Variants in HIVEP1 observed in about 807,000 individuals in gnomAD.
The protein encoded by HIVEP1 is zinc finger protein 40.
A neutral mutation model predicts 180.0 loss-of-function variants in HIVEP1; 36 were observed. The ratio of observed to expected loss-of-function variants is 0.20; its 90% CI spans 0.15 to 0.26. The LOEUF is 0.26. HIVEP1 is among the 10% of genes least tolerant of loss of function. The pLI is 1.00. For missense variants in HIVEP1, 3,143 were observed against 3,268.7 expected, an observed-to-expected ratio of 0.96 and a Z score of 0.94; for synonymous variants, 1,239 against 1,239.0, an observed-to-expected ratio of 1.00 and a Z score of 0.00.
chr6:12,134,070 G>C (rs1407726847), intron 6 of HIVEP1, among the ~76,000 whole-genome samples: 1 of 151,886 alleles, frequency 6.6e-6, no homozygotes, highest in Non-Finnish European at 1.5e-5. Context: ...TGACTTACAA[G>C]TGGAAATTTC....
the HIVEP1 span, among the ~76,000 whole-genome samples, chr6:12,170,920 G>A: frequency 6.6e-6 from 1 of 152,190 alleles, no homozygotes; most frequent in South Asian, 2.1e-4. Context: ...CCAGTGCCAA[G>A]CTGGCCACAG....
Position 12,124,223 on chromosome 6 carries a change from G to C in HIVEP1, c.4428G>C (p.Glu1476Asp). The C allele has an allele frequency of 6.2e-7, 1 of 1,614,152 alleles. No homozygotes were observed. Among genetic ancestry groups the C allele is most frequent in the Non-Finnish European group, 8.5e-7 (1 of 1,180,032 alleles). Residue 1476 changes from glutamate to aspartate, a missense_variant, in exon 4 of 9, where the codon GAG (glutamate) becomes GAC (aspartate). Glu to Asp is a conservative substitution (Grantham distance 45). Coordinates refer to ENST00000379388, the MANE Select transcript of HIVEP1 (RefSeq NM_002114.4). ...AGCTCACTAGTACATCTTTAGCTGA[G>C]TTTTCTGCAAATACTTTGCACTCTC... Reference protein sequence around the residue: ...GPQLTSTSLAEFSANTLHSQT... With the variant: ...GPQLTSTSLADFSANTLHSQT...
intron 2 of HIVEP1, 27 bp from the exon 3 acceptor site, chr6:12,089,157 T>G (rs768615854): frequency 7.8e-7 from 1 of 1,280,658 alleles, no homozygotes; most frequent in East Asian, 2.3e-5. Flanking sequence ...GTAAATTAAT[T>G]TATAAATTTT....
chr6:12,055,888 G>A (rs1225007180), intron 2 of HIVEP1, among the ~76,000 whole-genome samples: 1 of 152,210 alleles, frequency 6.6e-6, no homozygotes, highest in African/African-American at 2.4e-5. Context: ...CTGTTATAAA[G>A]TGAGCACAGG....
chr6:12,136,404 A>G (rs1758707657), intron 7 of HIVEP1, among the ~76,000 whole-genome samples: 1 of 152,212 alleles, frequency 6.6e-6, no homozygotes, highest in Non-Finnish European at 1.5e-5. Flanking sequence ...GATCCAGCCA[A>G]GTCCACTGCT....
At chr6:12,208,860 A>G in the HIVEP1 span, among the ~76,000 whole-genome samples, 3 of 151,024 alleles carry the variant, frequency 2.0e-5, no homozygotes, top group Admixed American at 6.6e-5. Flanking sequence ...AAGGTGCACC[A>G]TCTGTGATGT....
chr6:12,011,394 A>C (rs1767289851), upstream of HIVEP1, among the ~76,000 whole-genome samples: 1 of 150,252 alleles, frequency 6.7e-6, no homozygotes. Flanking sequence ...GTAAAGAGAA[A>C]CTACGGCCCC....
At chr6:12,102,063 A>G (rs1224319567) in intron 3 of HIVEP1, among the ~76,000 whole-genome samples, 1 of 152,202 alleles carries the variant, frequency 6.6e-6, no homozygotes, top group Non-Finnish European at 1.5e-5. Context: ...AGTTATAAAC[A>G]TGTATCCACC....
chr6:12,193,910 C>A, the HIVEP1 span, among the ~76,000 whole-genome samples: 6 of 152,128 alleles, frequency 3.9e-5, no homozygotes, highest in East Asian at 1.2e-3. Context: ...TTTTACTAAC[C>A]AAAAGCTTTA....
rs2113530577 is a variant in HIVEP1, at chr6:12,124,049, T to C, written c.4254T>C (p.His1418=). ...CTTCTCGAGTGGGAGTGACTGGGCA[T>C]GTGCCTCTCTTAGAAAGAAGGAGAG... is the stretch of plus-strand genomic sequence containing the variant. The part of the protein sequence containing the change: ...SSPSRVGVTG[H]VPLLERRRGP... The change falls in exon 4 of 9, where the codon CAT becomes CAC. Residue 1418 remains histidine (H), a synonymous_variant. Transcript: ENST00000379388. The C allele has an allele frequency of 8.1e-6, 13 of 1,614,140 alleles. No homozygotes were observed. The highest frequency in any genetic ancestry group is 1.0e-5 in the Non-Finnish European group (12 of 1,180,006).
At chr6:12,205,257 G>A in the HIVEP1 span, among the ~76,000 whole-genome samples, 8 of 152,186 alleles carry the variant, frequency 5.3e-5, no homozygotes, top group African/African-American at 1.7e-4. Context: ...GGATCTTGAG[G>A]TCGGGATATC....
intron 2 of HIVEP1, among the ~76,000 whole-genome samples, chr6:12,051,951 T>G (rs1016856181): frequency 2.6e-5 from 4 of 152,232 alleles, no homozygotes; most frequent in African/African-American, 4.8e-5. Flanking sequence ...GGAACTGTTC[T>G]CTCCAGTTTC....
the HIVEP1 span, among the ~76,000 whole-genome samples, chr6:12,198,195 C>T: frequency 6.6e-6 from 1 of 152,080 alleles, no homozygotes; most frequent in Admixed American, 6.5e-5. Context: ...TACATATGGA[C>T]GTCTTTATAT....
At chr6:12,209,861 G>A in the HIVEP1 span, among the ~76,000 whole-genome samples, 1 of 152,248 alleles carries the variant, frequency 6.6e-6, no homozygotes, top group East Asian at 1.9e-4. Context: ...GTTATATATT[G>A]TGGGAGTGAA....
Position 12,078,650 on chromosome 6 carries a change from CATACATATAT to C in HIVEP1, c.41-10518_41-10509del, listed in dbSNP as rs1443288558. On this transcript the variant is annotated intron_variant, in intron 2 of 8. Coordinates refer to ENST00000379388, the MANE Select transcript of HIVEP1 (RefSeq NM_002114.4). ...ACATATATATACACACACACACACA[CATACATATAT>C]ATACATATATATACACACACTATAC... 1.2e-3 allele frequency among the ~76,000 whole-genome samples: 157 copies of C among 132,354 alleles called. 1 individual carries two copies. Among genetic ancestry groups the C allele is most frequent in the Non-Finnish European group, 2.5e-4 (15 of 61,018 alleles). 86.8% of individuals were successfully genotyped at this position (132,354 alleles called of 152,430 possible). A position where few individuals can be genotyped will look rare whatever the true frequency, so the allele number is the denominator to read the frequency against.
In HIVEP1 at chr6:12,021,536, A is replaced by C. The variant is rs147364731; in HGVS notation, c.40+5868A>C. Reference sequence around the variant, plus strand: ...CTGGGTCTCCTTTGCTTGTGTCCACATGTGCCTTCTTGTACTTACAATATT... The same window carrying C: ...CTGGGTCTCCTTTGCTTGTGTCCACCTGTGCCTTCTTGTACTTACAATATT... On this transcript the variant is annotated intron_variant, in intron 2 of 8. Coordinates refer to ENST00000379388, the MANE Select transcript of HIVEP1 (RefSeq NM_002114.4). 4.1e-3 allele frequency among the ~76,000 whole-genome samples: 619 copies of C among 152,174 alleles called. 2 individuals are homozygous for C. Among genetic ancestry groups the C allele is most frequent in the Non-Finnish European group, 5.9e-3 (401 of 68,020 alleles).
chr6:12,203,427 T>C, the HIVEP1 span, among the ~76,000 whole-genome samples: 3 of 152,198 alleles, frequency 2.0e-5, no homozygotes, highest in African/African-American at 7.2e-5. Flanking sequence ...CATTATAACC[T>C]GAGTTTGGCC....
intron 2 of HIVEP1, among the ~76,000 whole-genome samples, chr6:12,029,431 G>A (rs1009184223): frequency 1.3e-5 from 2 of 152,156 alleles, no homozygotes; most frequent in African/African-American, 2.4e-5. Flanking sequence ...TCACATTGAT[G>A]TAATTTATTA....
At chr6:12,204,267 A>G in the HIVEP1 span, among the ~76,000 whole-genome samples, 18 of 139,978 alleles carry the variant, frequency 1.3e-4, no homozygotes, top group African/African-American at 4.5e-4. Context: ...GCTACCAGAC[A>G]CAGAGTTTCT....
Sources: gnomAD v4.1 joint callset for allele counts (sites outside exome capture counted in the v4.1 genomes callset) on GRCh38, gnomAD v4.1.1 for gene constraint, MANE v1.5 for transcripts, NCBI Gene and HGNC (gene_info 2026-07-23, HGNC 2026-07-21) for gene names.